TUT7: variants seen among roughly 807,000 people sequenced by gnomAD.
TUT7 encodes terminal uridylyl transferase 7.
In TUT7, 33 loss-of-function variants were observed where a neutral mutation model predicts 165.9. The observed-to-expected ratio is 0.20, with a 90% CI of 0.15 to 0.27. The LOEUF is 0.27. Among genes scored for constraint, TUT7 ranks in the 10% least tolerant of loss-of-function variants. The pLI is 1.00. For missense variants in TUT7, 1,338 were observed against 1,762.3 expected (o/e 0.76, Z 4.31); for synonymous variants, 552 against 608.1 (o/e 0.91, Z 1.36).
chr9:86,322,883 G>C lies in TUT7; in HGVS notation c.2867C>G (p.Thr956Ser). 1 of 1,594,934 alleles carries C rather than the reference G, an allele frequency of 6.3e-7. No individual in the cohort carries two copies. Among genetic ancestry groups the C allele is most frequent in the Non-Finnish European group, 8.5e-7 (1 of 1,172,046 alleles). ...GGTGGTACTGATTACCTTGCCTTTG[G>C]TGAAGATAAGTTTACTGAATTCATA... ...FFYEFSKLIF[T>S]KGKSPTVVCS... The change falls in exon 13 of 27, where the codon ACC (threonine) becomes AGC (serine). Residue 956 changes from threonine to serine, a missense_variant. Coordinates refer to ENST00000375963, the MANE Select transcript of TUT7 (RefSeq NM_024617.4).
chr9:86,318,862 C>T (rs746146346), intron 16 of TUT7, 96 bp downstream of exon 16: 7 of 874,956 alleles, frequency 8.0e-6, no homozygotes, highest in Non-Finnish European at 1.1e-5. Flanking sequence ...ATATGGTATG[C>T]CCTGATAAAT....
At position 86,323,315 on chromosome 9, in the gene TUT7, A is replaced by G; in HGVS notation, c.2435T>C (p.Leu812Pro). 2 of 1,614,088 alleles carry G rather than the reference A, an allele frequency of 1.2e-6. No individual in the cohort carries two copies. The highest frequency in any genetic ancestry group is 1.7e-6 in the Non-Finnish European group (2 of 1,180,000). Reference protein sequence around the residue: ...GLATLDNKADLDGESTEGTEE... With the variant: ...GLATLDNKADPDGESTEGTEE... Reference sequence around the variant, plus strand: ...AGTACCTTCTGTACTTTCTCCATCAAGATCAGCCTTGTTATCTAAAGTGGC... The same window carrying G: ...AGTACCTTCTGTACTTTCTCCATCAGGATCAGCCTTGTTATCTAAAGTGGC... Residue 812 changes from leucine (L) to proline (P), a missense_variant, in exon 13 of 27, where the codon CTT becomes CCT. This residue lies in a region of TUT7 where 425 missense variants were observed against 474.9 expected (regional missense o/e 0.89). Coordinates refer to ENST00000375963, the MANE Select transcript of TUT7 (RefSeq NM_024617.4).
chr9:86,290,944 GT>G (rs1301341284), intron 26 of TUT7, among the ~76,000 whole-genome samples: 1 of 152,024 alleles, frequency 6.6e-6, no homozygotes, highest in Non-Finnish European at 1.5e-5. Context: ...AAAAAACAAA[GT>G]TTTAAAGCTG....
At position 86,322,444 on chromosome 9, in the gene TUT7, C is replaced by T. The variant is rs750274866; in HGVS notation, c.2909G>A (p.Arg970Gln). Residue 970 changes from arginine to glutamine, a missense_variant, in exon 14 of 27, where the codon CGA becomes CAA. Arg to Gln is a conservative substitution (Grantham distance 43, BLOSUM62 1). Transcript: ENST00000375963. ...ACAGTCCTTCTTTAGATGACCCTCTCGTTTGCATAAGCTGCACACTACCGT... is the reference window on the plus strand; with the variant it reads ...ACAGTCCTTCTTTAGATGACCCTCTTGTTTGCATAAGCTGCACACTACCGT... ...SPTVVCSLCK[R>Q]EGHLKKDCPE... 24 of 1,613,986 alleles carry T rather than the reference C, an allele frequency of 1.5e-5. No individual in the cohort carries two copies. The highest frequency in any genetic ancestry group is 1.8e-5 in the Non-Finnish European group (21 of 1,179,944).
chr9:86,335,836 T>C (rs1398138887), intron 10 of TUT7, among the ~76,000 whole-genome samples: 1 of 152,208 alleles, frequency 6.6e-6, no homozygotes, highest in Non-Finnish European at 1.5e-5. Context: ...GATCCAATGA[T>C]TTCAATCCAG....
At chr9:86,344,193 C>T (rs536802781) in intron 5 of TUT7, among the ~76,000 whole-genome samples, 2 of 152,236 alleles carry the variant, frequency 1.3e-5, no homozygotes, top group East Asian at 3.9e-4. Flanking sequence ...AATCACTTGT[C>T]GAGCTTTGTA....
intron 16 of TUT7, among the ~76,000 whole-genome samples, 163 bp downstream of exon 16, chr9:86,318,792 CACA>C (rs1251962353): frequency 6.6e-6 from 1 of 152,184 alleles, no homozygotes; most frequent in Non-Finnish European, 1.5e-5. Flanking sequence ...TCACATTCCT[CACA>C]ACCTTTCCAA....
chr9:86,304,056 C>T (rs1052623169), intron 24 of TUT7, among the ~76,000 whole-genome samples: 24 of 152,048 alleles, frequency 1.6e-4, no homozygotes, highest in East Asian at 1.9e-4. Context: ...AGATCTATTG[C>T]GCAGCAGGGT....
At chr9:86,308,401 T>C in intron 22 of TUT7, 28 bp downstream of exon 22, 1 of 1,591,556 alleles carries the variant, frequency 6.3e-7, no homozygotes, top group Non-Finnish European at 8.6e-7. Context: ...TATAGTCTAT[T>C]CGACTTCAAG....
rs957805626 is a variant in TUT7 at position 86,290,988 on chromosome 9, C to T, written c.4421-2244G>A. ...AAAATACAGATGGATATCTTTATGA[C>T]CTCAGGTTAGAGAAGAATTTCTTAA... is the stretch of plus-strand genomic sequence containing the variant. On this transcript the variant is annotated intron_variant, in intron 26 of 26. Coordinates refer to ENST00000375963, the MANE Select transcript of TUT7 (RefSeq NM_024617.4). Among the ~76,000 whole-genome samples, 19 of 152,172 alleles carry T rather than the reference C, an allele frequency of 1.2e-4. No homozygotes were observed. The East Asian group carries it at 2.3e-3, about 19-fold the overall frequency.
chr9:86,323,520 G>A lies in TUT7; in HGVS notation c.2230C>T (p.Pro744Ser), dbSNP rs1829515260. ...DDYKGDKVYH[P>S]ETGRKNEKEK... ...TTCTCGTTTTTCCTTCCTGTTTCTG[G>A]ATGGTATACTTTATCACCCTTGTAA... is the stretch of plus-strand genomic sequence containing the variant. Residue 744 changes from proline to serine, a missense_variant, in exon 13 of 27, where the codon CCA (proline) becomes TCA (serine). By Grantham distance (74) the Pro-to-Ser change is moderately conservative. Coordinates refer to ENST00000375963, the MANE Select transcript of TUT7 (RefSeq NM_024617.4). 2 of 1,614,168 alleles carry A rather than the reference G, an allele frequency of 1.2e-6. No individual in the cohort carries two copies. Among genetic ancestry groups the A allele is most frequent in the Non-Finnish European group, 1.7e-6 (2 of 1,180,038 alleles).
chr9:86,352,766 G>T lies in TUT7; in HGVS notation c.434C>A (p.Thr145Lys), dbSNP rs1455900150. ...TCGTCTTACAGTTCTGCAGCCTCTTGTGTCTTGCCACCTATAACCATCTTC... is the reference window on the plus strand; with the variant it reads ...TCGTCTTACAGTTCTGCAGCCTCTTTTGTCTTGCCACCTATAACCATCTTC... ...ENEDGYRWQD[T>K]RGCRTVRRLF... Residue 145 changes from threonine (T) to lysine (K), a missense_variant, in exon 2 of 27, where the codon ACA becomes AAA. Thr to Lys is a moderately conservative substitution (Grantham distance 78, BLOSUM62 -1). This residue lies in a region of TUT7 where 434 missense variants were observed against 480.8 expected (regional missense o/e 0.90). Coordinates refer to ENST00000375963, the MANE Select transcript of TUT7 (RefSeq NM_024617.4). 1 of 1,614,138 alleles carries T rather than the reference G, an allele frequency of 6.2e-7. No individual in the cohort carries two copies. Among genetic ancestry groups the T allele is most frequent in the Non-Finnish European group, 8.5e-7 (1 of 1,180,034 alleles).
chr9:86,325,522 T>A lies in TUT7; in HGVS notation c.1609-8A>T. 1 of 1,607,456 alleles carries A rather than the reference T, an allele frequency of 6.2e-7. No individual in the cohort carries two copies. Among genetic ancestry groups the A allele is most frequent in the South Asian group, 1.1e-5 (1 of 90,592 alleles). ...ATCCAATATTAATGACACCTATTAA[T>A]AGCAAAGAGAAACATACAGGTTATT... is the stretch of plus-strand genomic sequence containing the variant. On this transcript the variant is annotated splice_region_variant and splice_polypyrimidine_tract_variant and intron_variant, in intron 11 of 26. Coordinates refer to ENST00000375963, the MANE Select transcript of TUT7 (RefSeq NM_024617.4).
intron 17 of TUT7, among the ~76,000 whole-genome samples, chr9:86,316,471 G>A (rs1046261286): frequency 6.6e-6 from 1 of 152,110 alleles, no homozygotes; most frequent in African/African-American, 2.4e-5. Context: ...ACTTGTTCAG[G>A]GTCATATACA....
rs765339690 is a variant in TUT7 at position 86,309,431 on chromosome 9, C to T, written c.3582+32G>A. The T allele has an allele frequency of 3.8e-6, 6 of 1,567,354 alleles. No homozygotes were observed. The Admixed American group carries it at 1.1e-4, about 29-fold the overall frequency. ...AAAGGCTCAGAGATCACCAGTTTTC[C>T]AGATAAGAAATACAATTTCATTCAC... On this transcript the variant is annotated intron_variant, in intron 20 of 26. Transcript: ENST00000375963.
chr9:86,316,678 T>C (rs547621062), intron 17 of TUT7, among the ~76,000 whole-genome samples: 1 of 152,328 alleles, frequency 6.6e-6, no homozygotes, highest in East Asian at 1.9e-4. Flanking sequence ...AATATGCATA[T>C]AAATTATCAC....
In TUT7 at chr9:86,329,888, C is replaced by T. The variant is rs377218893; in HGVS notation, c.1456-1396G>A. On this transcript the variant is annotated intron_variant, in intron 10 of 26. Transcript: ENST00000375963. ...ATGACTCATTCTCCCTCACTTTATTCAGCTCTGCTCAAATGTTTTCTCTAA... is the reference window on the plus strand; with the variant it reads ...ATGACTCATTCTCCCTCACTTTATTTAGCTCTGCTCAAATGTTTTCTCTAA... Among the ~76,000 whole-genome samples the T allele has an allele frequency of 2.4e-4, 37 of 152,266 alleles. No homozygotes were observed. In the East Asian group the frequency reaches 6.4e-3, roughly 26 times the overall value.
chr9:86,317,115 G>A (rs1166229835), intron 17 of TUT7, 104 bp downstream of exon 17: 3 of 936,794 alleles, frequency 3.2e-6, no homozygotes, highest in Non-Finnish European at 5.0e-6. Context: ...GTTGAGGGGT[G>A]ATGGGTGGGC....
intron 14 of TUT7, among the ~76,000 whole-genome samples, chr9:86,320,290 C>T (rs1221707152): frequency 4.1e-5 from 6 of 145,646 alleles, no homozygotes; most frequent in South Asian, 2.1e-4. Context: ...GTTAAGAACA[C>T]GTGTCTTCTG....
Sources: allele counts gnomAD v4.1 joint callset (sites outside exome capture counted in the v4.1 genomes callset), GRCh38; gene constraint gnomAD v4.1.1; regional missense constraint gnomAD v4.1.1; transcripts MANE v1.5; gene names NCBI Gene and HGNC (gene_info 2026-07-23, HGNC 2026-07-21).